PIK3C2B: variants seen among roughly 807,000 people sequenced by gnomAD.
The protein encoded by PIK3C2B is phosphatidylinositol 4-phosphate 3-kinase C2 domain-containing subunit beta.
PIK3C2B carries 83 observed loss-of-function variants against 184.3 expected under a neutral mutation model. That is an observed-to-expected ratio of 0.45 (90% CI 0.38 to 0.54). PIK3C2B has a LOEUF of 0.54. PIK3C2B is among the 20% of genes least tolerant of loss of function. The pLI, the probability that PIK3C2B is intolerant of heterozygous loss-of-function variation, is 0.00. For synonymous variants in PIK3C2B, 779 were observed against 837.6 expected (o/e 0.93, Z 1.21); for missense variants, 1,736 against 2,113.5 (o/e 0.82, Z 3.50).
chr1:204,462,182 C>T (rs1327023001), intron 5 of PIK3C2B, among the ~76,000 whole-genome samples: 2 of 152,054 alleles, frequency 1.3e-5, no homozygotes, highest in Admixed American at 6.6e-5. Flanking sequence ...GACCGCTGAC[C>T]CTGTCCCACC....
At chr1:204,477,409 G>C (rs1656793371) in intron 1 of PIK3C2B, among the ~76,000 whole-genome samples, 2 of 152,338 alleles carry the variant, frequency 1.3e-5, no homozygotes, top group Admixed American at 1.3e-4. Flanking sequence ...GAAGAAACAA[G>C]AGGACATGCC....
intron 18 of PIK3C2B, 80 bp from the exon 19 acceptor site, chr1:204,443,677 A>G (rs1653580361): frequency 7.4e-7 from 1 of 1,351,028 alleles, no homozygotes; most frequent in Admixed American, 1.8e-5. Context: ...AGTCAGGCCC[A>G]GCTCCAACTC....
chr1:204,457,153 C>T lies in PIK3C2B; in HGVS notation c.1714-83G>A, dbSNP rs1013738051. ...CTGGAAGAAGGGCTTTTCACAGCTG[C>T]GCTCATCTGGACCAGAATGGGCTGA... On this transcript the variant is annotated intron_variant, in intron 9 of 32. Transcript: ENST00000684373. 1.5e-5 allele frequency: 18 copies of T among 1,206,506 alleles called. No individual in the cohort carries two copies. In the East Asian group the frequency reaches 2.8e-4, roughly 19 times the overall value. The allele number at this position is 1,206,506 out of a possible 1,614,324, so 74.7% of individuals were successfully genotyped here.
chr1:204,472,098 G>GT (rs1656333717), intron 1 of PIK3C2B, among the ~76,000 whole-genome samples: 2 of 152,040 alleles, frequency 1.3e-5, no homozygotes, highest in Admixed American at 1.3e-4. Flanking sequence ...ACAAATGGTG[G>GT]TAACGACAAG....
chr1:204,477,608 A>G (rs1045674904), intron 1 of PIK3C2B, among the ~76,000 whole-genome samples: 3 of 152,206 alleles, frequency 2.0e-5, no homozygotes, highest in Non-Finnish European at 4.4e-5. Flanking sequence ...GGCTCTGTTT[A>G]GTCCCTGTGC....
At chr1:204,485,328 C>T (rs1657495794) in intron 1 of PIK3C2B, among the ~76,000 whole-genome samples, 1 of 152,134 alleles carries the variant, frequency 6.6e-6, no homozygotes, top group Non-Finnish European at 1.5e-5. Flanking sequence ...AGTGAAATAA[C>T]CTATATAAAG....
chr1:204,474,403 T>C (rs879495545), intron 1 of PIK3C2B, among the ~76,000 whole-genome samples: 2 of 152,196 alleles, frequency 1.3e-5, no homozygotes, highest in Non-Finnish European at 2.9e-5. Flanking sequence ...CTTTAACTCA[T>C]TGTAATCTGG....
intron 21 of PIK3C2B, among the ~76,000 whole-genome samples, chr1:204,440,860 G>A (rs1162530816): frequency 6.6e-6 from 1 of 151,488 alleles, no homozygotes; most frequent in Non-Finnish European, 1.5e-5. Context: ...TGATCTGCAT[G>A]CCTCAGCCTC....
chr1:204,430,110 T>A, intron 28 of PIK3C2B, 72 bp from the exon 29 acceptor site: 3 of 944,836 alleles, frequency 3.2e-6, no homozygotes, highest in Non-Finnish European at 5.0e-6. Context: ...CAATGGGCTT[T>A]TTTCACATTT....
chr1:204,492,575 C>T (rs1057448120), intron 1 of PIK3C2B, among the ~76,000 whole-genome samples: 13 of 152,076 alleles, frequency 8.5e-5, no homozygotes, highest in African/African-American at 3.1e-4. Flanking sequence ...CAAGCGGGGA[C>T]CAAAGGCCCA....
In PIK3C2B at chr1:204,447,562, G is replaced by C; in HGVS notation, c.2363C>G (p.Ser788Trp). ...SVILQIDFPT[S>W]AFDIKFTSPP... The stretch of plus-strand genomic sequence containing the variant: ...GCTGGTGAACTTGATGTCAAAGGCC[G>C]AGGTGGGGAAGTCAATCTGGGGGAT... The change falls in exon 15 of 33, where the codon TCG (serine) becomes TGG (tryptophan). Residue 788 changes from serine (S) to tryptophan (W), a missense_variant. By Grantham distance (177) the Ser-to-Trp change is radical. Around this residue, in one of 8 missense-constraint regions of PIK3C2B, gnomAD observed 609 missense variants for 699.2 expected, o/e 0.87. Coordinates refer to ENST00000684373, the MANE Select transcript of PIK3C2B (RefSeq NM_001377334.1). This position sits in a 1 kb window ranked among gnomAD's most constrained non-coding sequence, Gnocchi z 4.1. 1 of 1,609,840 alleles carries C rather than the reference G, an allele frequency of 6.2e-7. No homozygotes were observed. Among genetic ancestry groups the C allele is most frequent in the Non-Finnish European group, 8.5e-7 (1 of 1,178,884 alleles).
At position 204,447,621 on chromosome 1, in the gene PIK3C2B, C is replaced by T. The variant is rs780121143; in HGVS notation, c.2347-43G>A. The T allele has an allele frequency of 9.6e-6, 14 of 1,451,198 alleles. No homozygotes were observed. The highest frequency in any genetic ancestry group is 2.4e-4 in the Middle Eastern group (1 of 4,192). 89.9% of individuals were successfully genotyped at this position (1,451,198 alleles called of 1,614,324 possible). On this transcript the variant is annotated intron_variant, in intron 14 of 32. Transcript: ENST00000684373. The surrounding 1 kb of genome is among the most constrained non-coding windows in gnomAD (Gnocchi z 4.1). ...GGATGTGAGGAGAGAAAACAGGCAG[C>T]GTGTGTGGACTCCCAGCTTCTTTCT...
chr1:204,429,936 G>A lies in PIK3C2B; in HGVS notation c.4383C>T (p.Pro1461=), dbSNP rs2271420. 0.096 allele frequency: 155,071 copies of A among 1,607,744 alleles called. 9,016 individuals carry two copies. The highest frequency in any genetic ancestry group is 0.26 in the African/African-American group (19,721 of 74,690). ...GCCCACCCACCTCGGCCACCTCAGGGGGTGCGTGGATCAAGTGCCAGATGT... is the reference window on the plus strand; with the variant it reads ...GCCCACCCACCTCGGCCACCTCAGGAGGTGCGTGGATCAAGTGCCAGATGT... The part of the protein sequence containing the change: ...NGYIWHLIHA[P]PEVAECDLVY... Residue 1461 remains proline (P), a synonymous_variant, in exon 29 of 33, where the codon CCC becomes CCT. Coordinates refer to ENST00000684373, the MANE Select transcript of PIK3C2B (RefSeq NM_001377334.1).
At chr1:204,463,956 C>A in intron 5 of PIK3C2B, 56 bp downstream of exon 5, 1 of 1,580,322 alleles carries the variant, frequency 6.3e-7, no homozygotes, top group East Asian at 2.2e-5. Context: ...CCCATGAAGC[C>A]CCCTCACAAT....
intron 2 of PIK3C2B, chr1:204,466,663 G>T (rs1160374012): frequency 5.1e-6 from 2 of 390,814 alleles, no homozygotes; most frequent in Middle Eastern, 7.3e-4. Flanking sequence ...ACAGTGGGGG[G>T]AGGGAAGAGA....
At chr1:204,452,287 C>A (rs1216484993) in intron 12 of PIK3C2B, among the ~76,000 whole-genome samples, 3 of 44,390 alleles carry the variant, frequency 6.8e-5, no homozygotes, top group Non-Finnish European at 1.2e-4. Context: ...TGTGCAGCAC[C>A]CTTTTTTTTT....
intron 7 of PIK3C2B, 94 bp downstream of exon 7, chr1:204,460,230 C>T (rs1655213482): frequency 9.8e-7 from 1 of 1,018,704 alleles, no homozygotes; most frequent in South Asian, 1.4e-5. Context: ...CTGCAAGAAT[C>T]CCTTAGCCCT....
At chr1:204,459,040 G>C (rs1448867442) in intron 8 of PIK3C2B, among the ~76,000 whole-genome samples, 1 of 151,686 alleles carries the variant, frequency 6.6e-6, no homozygotes, top group Admixed American at 6.6e-5. Flanking sequence ...TTTGAGATAG[G>C]GTCTCACTCT....
chr1:204,485,719 A>G (rs1279559111), intron 1 of PIK3C2B, among the ~76,000 whole-genome samples: 1 of 151,944 alleles, frequency 6.6e-6, no homozygotes, highest in African/African-American at 2.4e-5. Flanking sequence ...GGGACTACAG[A>G]CGTGGTCGCC....
Sources: gnomAD v4.1 joint callset for allele counts (sites outside exome capture counted in the v4.1 genomes callset) on GRCh38, gnomAD v4.1.1 for gene constraint, gnomAD v4.1.1 regional missense constraint, Gnocchi (gnomAD v3.1) non-coding constraint, MANE v1.5 for transcripts, NCBI Gene and HGNC (gene_info 2026-07-23, HGNC 2026-07-21) for gene names.